Variants in LRBA observed in about 807,000 individuals in gnomAD.
The protein encoded by LRBA is LPS responsive beige-like anchor protein, also known as lipopolysaccharide-responsive and beige-like anchor protein.
In LRBA, 176 loss-of-function variants were observed where a neutral mutation model predicts 330.0. The ratio of observed to expected loss-of-function variants is 0.53; its 90% CI spans 0.47 to 0.60. LRBA has a LOEUF of 0.60. Among genes scored for constraint, LRBA ranks in the 20% least tolerant of loss-of-function variants. The probability of loss-of-function intolerance (pLI) is 0.00; values close to 1 mark genes in which losing one functional copy is unlikely to be tolerated. For synonymous variants in LRBA, 1,230 were observed against 1,193.0 expected, an observed-to-expected ratio of 1.03 and a Z score of -0.64; for missense variants, 3,259 against 3,444.8, an observed-to-expected ratio of 0.95 and a Z score of 1.35.
Position 150,517,520 on chromosome 4 carries a change from C to CA in LRBA, c.6331-26486dup, listed in dbSNP as rs948542129. On this transcript the variant is annotated intron_variant, in intron 40 of 56. Coordinates refer to ENST00000651943, the MANE Select transcript of LRBA (RefSeq NM_001364905.1). ...TGGGCAACAGAACAAAACCCTGTAT[C>CA]AAAAAAATAAATAAATAGAAGGTGT... 1.5e-4 allele frequency among the ~76,000 whole-genome samples: 23 copies of CA among 151,478 alleles called. 1 individual carries two copies. In the East Asian group the frequency reaches 3.7e-3, roughly 24 times the overall value.
intron 53 of LRBA, among the ~76,000 whole-genome samples, chr4:150,289,967 C>T (rs1459942019): frequency 2.0e-5 from 3 of 152,136 alleles, no homozygotes; most frequent in Non-Finnish European, 2.9e-5. Flanking sequence ...ACATGTGGCT[C>T]ACAGAATCGA....
At chr4:150,894,655 C>T (rs1729865395) in intron 16 of LRBA, among the ~76,000 whole-genome samples, 2 of 152,052 alleles carry the variant, frequency 1.3e-5, no homozygotes, top group African/African-American at 2.4e-5. Flanking sequence ...ACTTGTATAC[C>T]GAATTTTCAT....
intron 53 of LRBA, among the ~76,000 whole-genome samples, chr4:150,295,630 AAT>A (rs1728890769): frequency 3.3e-5 from 5 of 152,228 alleles, no homozygotes; most frequent in Admixed American, 2.0e-4. Context: ...AAATGTTGCT[AAT>A]ATATGTCTTG....
intron 17 of LRBA, among the ~76,000 whole-genome samples, chr4:150,884,563 T>C (rs962265173): frequency 1.1e-4 from 16 of 151,960 alleles, no homozygotes; most frequent in South Asian, 6.2e-4. Flanking sequence ...CTAAGATATA[T>C]AGAAACATGG....
At chr4:150,918,759 A>C (rs1313670203) in intron 5 of LRBA, among the ~76,000 whole-genome samples, 1 of 152,192 alleles carries the variant, frequency 6.6e-6, no homozygotes, top group East Asian at 1.9e-4. Flanking sequence ...AAAAACAAAC[A>C]AACAAAAATA....
intron 46 of LRBA, among the ~76,000 whole-genome samples, chr4:150,419,562 G>A (rs1987046086): frequency 1.3e-5 from 2 of 150,258 alleles, no homozygotes; most frequent in South Asian, 2.1e-4. Context: ...TTGTACACTT[G>A]AGTTGGTGGT....
chr4:150,947,563 C>T (rs895155670), intron 2 of LRBA, among the ~76,000 whole-genome samples: 6 of 151,912 alleles, frequency 3.9e-5, no homozygotes, highest in Non-Finnish European at 8.8e-5. Flanking sequence ...ATAAAACCTA[C>T]GACTAACATT....
rs1311413485 is a variant in LRBA, at chr4:150,543,933, AC to A, written c.6330+44114del. Among the ~76,000 whole-genome samples the A allele has an allele frequency of 5.9e-5, 9 of 152,264 alleles. No homozygotes were observed. In the East Asian group the frequency reaches 1.3e-3, roughly 23 times the overall value. ...GTTATGAAAGCTTGTAAAACACAGCACTTTTAGAATACAAACATCCCCAAAT... is the reference window on the plus strand; with the variant it reads ...GTTATGAAAGCTTGTAAAACACAGCATTTTAGAATACAAACATCCCCAAAT... On this transcript the variant is annotated intron_variant, in intron 40 of 56. Transcript: ENST00000651943.
chr4:150,837,404 C>T (rs1040017540), intron 28 of LRBA, among the ~76,000 whole-genome samples: 2 of 152,100 alleles, frequency 1.3e-5, no homozygotes, highest in Non-Finnish European at 2.9e-5. Context: ...GTGTGAAAGT[C>T]TCCCATTATT....
At chr4:150,601,322 A>G (rs1774088675) in intron 37 of LRBA, among the ~76,000 whole-genome samples, 1 of 152,222 alleles carries the variant, frequency 6.6e-6, no homozygotes, top group African/African-American at 2.4e-5. Context: ...TAAATTAGGT[A>G]ACAATAGATT....
chr4:150,846,382 T>G (rs75075232), intron 26 of LRBA, among the ~76,000 whole-genome samples: 4 of 151,934 alleles, frequency 2.6e-5, no homozygotes, highest in African/African-American at 9.7e-5. Context: ...TGCAAAGAAT[T>G]AGCCGGGTGT....
chr4:150,378,240 C>T (rs2151882333), intron 47 of LRBA, among the ~76,000 whole-genome samples: 1 of 152,200 alleles, frequency 6.6e-6, no homozygotes, highest in East Asian at 1.9e-4. Context: ...GAGTATAATA[C>T]CCCTCCTCAA....
intron 35 of LRBA, among the ~76,000 whole-genome samples, chr4:150,737,521 G>GAA (rs748059974): frequency 1.3e-4 from 6 of 46,870 alleles, no homozygotes; most frequent in Non-Finnish European, 6.8e-4. Flanking sequence ...GGAAAGAAAA[G>GAA]AAAAAAGAAA....
chr4:150,281,301 G>A (rs888798557), intron 55 of LRBA, among the ~76,000 whole-genome samples: 2 of 152,126 alleles, frequency 1.3e-5, no homozygotes, highest in African/African-American at 2.4e-5. Context: ...AAGCGAGTAC[G>A]AGTGTGTCTC....
At chr4:150,341,087 G>A (rs889948149) in intron 48 of LRBA, among the ~76,000 whole-genome samples, 5 of 152,144 alleles carry the variant, frequency 3.3e-5, no homozygotes, top group African/African-American at 1.2e-4. Context: ...TAGTCCAGTG[G>A]GGAGAGTATG....
At chr4:150,630,969 C>T (rs1364034411) in intron 37 of LRBA, among the ~76,000 whole-genome samples, 1 of 151,924 alleles carries the variant, frequency 6.6e-6, no homozygotes, top group African/African-American at 2.4e-5. Context: ...AGTGTCATAA[C>T]CTAGTGTGTC....
Position 150,794,242 on chromosome 4 carries a change from C to T in LRBA, c.5580+3839G>A, listed in dbSNP as rs35202010. 5.0e-3 allele frequency among the ~76,000 whole-genome samples: 759 copies of T among 152,102 alleles called. 5 individuals are homozygous for T. The highest frequency in any genetic ancestry group is 8.3e-3 in the Non-Finnish European group (563 of 67,974). ...AATGAGGTTCAGGCATTAAGAGAGA[C>T]CTAAATGGTAAAGGACACCTTGTGC... On this transcript the variant is annotated intron_variant, in intron 34 of 56. Transcript: ENST00000651943.
At chr4:150,555,756 A>AACACACAC (rs34497958) in intron 40 of LRBA, among the ~76,000 whole-genome samples, 13,701 of 144,560 alleles carry the variant, frequency 0.095, 777 homozygotes, top group Non-Finnish European at 0.13. Flanking sequence ...GTCTTATAAA[A>AACACACAC]ACACACACAC....
At chr4:150,606,910 T>A (rs910157220) in intron 37 of LRBA, among the ~76,000 whole-genome samples, 1 of 152,222 alleles carries the variant, frequency 6.6e-6, no homozygotes, top group Non-Finnish European at 1.5e-5. Context: ...CAGTAACTGT[T>A]ACAAAACTGC....
Sources: gnomAD v4.1 joint callset for allele counts (sites outside exome capture counted in the v4.1 genomes callset) on GRCh38, gnomAD v4.1.1 for gene constraint, MANE v1.5 for transcripts, NCBI Gene and HGNC (gene_info 2026-07-23, HGNC 2026-07-21) for gene names.